Variants in PRORP observed in about 807,000 individuals in gnomAD.
PRORP encodes mitochondrial ribonuclease P catalytic subunit.
A neutral mutation model predicts 59.4 loss-of-function variants in PRORP; 51 were observed. That is an observed-to-expected ratio of 0.86 (90% CI 0.69 to 1.08). The LOEUF (loss-of-function observed/expected upper bound fraction) is 1.08, where lower values mean the gene tolerates loss of function less well. Ranked by LOEUF, PRORP falls within the 50% of genes least tolerant of loss-of-function variation. The pLI is 0.00. For missense variants in PRORP, 646 were observed against 690.3 expected, an observed-to-expected ratio of 0.94 and a Z score of 0.72; for synonymous variants, 231 against 245.6, an observed-to-expected ratio of 0.94 and a Z score of 0.55.
At chr14:35,220,943 G>C (rs554899613) in intron 5 of PRORP, among the ~76,000 whole-genome samples, 1 of 152,130 alleles carries the variant, frequency 6.6e-6, no homozygotes, top group Non-Finnish European at 1.5e-5. Flanking sequence ...AGGATCTAAG[G>C]GAGCACAAGC....
At chr14:35,152,453 C>T (rs375342635) in intron 4 of PRORP, among the ~76,000 whole-genome samples, 1 of 152,242 alleles carries the variant, frequency 6.6e-6, no homozygotes, top group Non-Finnish European at 1.5e-5. Flanking sequence ...GGGTACACCT[C>T]CCAGACGGGA....
chr14:35,214,799 T>C (rs12587689), intron 5 of PRORP, among the ~76,000 whole-genome samples: 71,625 of 152,040 alleles, frequency 0.47, 19,012 homozygotes, highest in African/African-American at 0.72. Flanking sequence ...CCCAGCTACT[T>C]GGGTGGCTGA....
chr14:35,218,293 C>T (rs535618358), intron 5 of PRORP, among the ~76,000 whole-genome samples: 3 of 150,914 alleles, frequency 2.0e-5, no homozygotes, highest in Non-Finnish European at 4.4e-5. Flanking sequence ...GACCCTGTCT[C>T]TACAAAAAAA....
intron 5 of PRORP, among the ~76,000 whole-genome samples, chr14:35,228,766 A>G (rs2050001432): frequency 6.6e-6 from 1 of 152,222 alleles, no homozygotes; most frequent in Admixed American, 6.5e-5. Context: ...TGCGATGAAC[A>G]TATGAGTGCA....
chr14:35,155,763 G>C (rs2047899494), intron 4 of PRORP, among the ~76,000 whole-genome samples: 1 of 151,732 alleles, frequency 6.6e-6, no homozygotes, highest in African/African-American at 2.4e-5. Flanking sequence ...TCATTAGAAA[G>C]GATATAAACA....
At chr14:35,136,873 G>T (rs1430174768) in intron 4 of PRORP, among the ~76,000 whole-genome samples, 1 of 145,770 alleles carries the variant, frequency 6.9e-6, no homozygotes, top group Non-Finnish European at 1.5e-5. Flanking sequence ...GGGAACACCA[G>T]CATAGGAAGG....
chr14:35,212,565 A>G (rs75827613), intron 5 of PRORP, among the ~76,000 whole-genome samples: 3,402 of 152,248 alleles, frequency 0.022, 119 homozygotes, highest in African/African-American at 0.074. Context: ...TGCATTGTCA[A>G]TGAACAGTAA....
At position 35,131,166 on chromosome 14, in the gene PRORP, C is replaced by T. The variant is rs372136656; in HGVS notation, c.1167+3555C>T. Among the ~76,000 whole-genome samples the T allele has an allele frequency of 4.0e-3, 614 of 152,110 alleles. 4 individuals carry two copies. The highest frequency in any genetic ancestry group is 6.8e-3 in the Middle Eastern group (2 of 294). ...CCATGTTGACCAGGCTGGTCTTGAA[C>T]TCCTGACCTCAGGTGATCCACCCAC... On this transcript the variant is annotated intron_variant, in intron 4 of 7. Coordinates refer to ENST00000534898, the MANE Select transcript of PRORP (RefSeq NM_014672.4).
intron 4 of PRORP, chr14:35,158,307 A>T (rs2047969762): frequency 3.8e-6 from 1 of 263,818 alleles, no homozygotes; most frequent in Non-Finnish European, 7.6e-6. Flanking sequence ...AATCGTGCAT[A>T]TGTGTTATCA....
chr14:35,146,411 A>G (rs1369624486), intron 4 of PRORP, among the ~76,000 whole-genome samples: 2 of 152,112 alleles, frequency 1.3e-5, no homozygotes, highest in Non-Finnish European at 2.9e-5. Context: ...AAATGTCAGT[A>G]TAAGAACTTA....
intron 5 of PRORP, among the ~76,000 whole-genome samples, chr14:35,245,737 T>A (rs1238585035): frequency 2.0e-5 from 3 of 152,162 alleles, no homozygotes; most frequent in Admixed American, 2.0e-4. Context: ...CTGGATTAAT[T>A]GCCCTCTGTA....
intron 4 of PRORP, among the ~76,000 whole-genome samples, chr14:35,132,410 G>T (rs967168463): frequency 6.6e-6 from 1 of 151,778 alleles, no homozygotes; most frequent in South Asian, 2.1e-4. Context: ...GTGAGCCAAG[G>T]TCACACTACT....
rs1220443786 is a variant in PRORP at position 35,209,198 on chromosome 14, A to C, written c.1275+28421A>C. 4.6e-5 allele frequency among the ~76,000 whole-genome samples: 7 copies of C among 152,060 alleles called. No homozygotes were observed. The South Asian group carries it at 1.0e-3, about 22-fold the overall frequency. On this transcript the variant is annotated intron_variant, in intron 5 of 7. Transcript: ENST00000534898. ...CAAAAAAAAAAAAGTTATTAATGAA[A>C]TACTTTACCGTCTTTATTATAGTAA... is the stretch of plus-strand genomic sequence containing the variant.
chr14:35,184,365 C>T (rs1434398735), intron 5 of PRORP, among the ~76,000 whole-genome samples: 2 of 152,038 alleles, frequency 1.3e-5, no homozygotes, highest in African/African-American at 2.4e-5. Flanking sequence ...TAATTCATGT[C>T]AGTAGAAACT....
At chr14:35,235,154 G>A in intron 5 of PRORP, 1 of 590,580 alleles carries the variant, frequency 1.7e-6, no homozygotes, top group Non-Finnish European at 3.2e-6. Flanking sequence ...TTTATGTACA[G>A]AAAACTCAAC....
chr14:35,266,453 G>T (rs578164398), intron 5 of PRORP, among the ~76,000 whole-genome samples: 9 of 152,260 alleles, frequency 5.9e-5, no homozygotes, highest in Middle Eastern at 6.8e-3. Flanking sequence ...GTGCACTCCA[G>T]TCTGGACAGC....
At chr14:35,122,160 T>C (rs1246502800), upstream of PRORP, 9 of 581,566 alleles carry the variant, frequency 1.5e-5, no homozygotes, top group East Asian at 2.6e-4. Flanking sequence ...CCACGCTGAC[T>C]GGGGGAAAAA....
At chr14:35,202,547 A>G (rs886282517) in intron 5 of PRORP, among the ~76,000 whole-genome samples, 1 of 152,158 alleles carries the variant, frequency 6.6e-6, no homozygotes, top group Admixed American at 6.6e-5. Context: ...AAGTTTAAGC[A>G]ATTAGTATAA....
intron 5 of PRORP, among the ~76,000 whole-genome samples, chr14:35,263,494 C>A (rs937867089): frequency 6.6e-6 from 1 of 152,106 alleles, no homozygotes; most frequent in African/African-American, 2.4e-5. Context: ...TGAGACCAGC[C>A]TGGCCAACAT....
Sources: allele counts gnomAD v4.1 joint callset (sites outside exome capture counted in the v4.1 genomes callset), GRCh38; gene constraint gnomAD v4.1.1; transcripts MANE v1.5; gene names NCBI Gene and HGNC (gene_info 2026-07-23, HGNC 2026-07-21).